Variants in UBTD1 observed in about 807,000 individuals in gnomAD.
UBTD1 encodes the protein ubiquitin domain-containing protein 1.
A neutral mutation model predicts 21.7 loss-of-function variants in UBTD1; 19 were observed. The observed-to-expected ratio is 0.87, with a 90% CI of 0.61 to 1.28. The LOEUF (loss-of-function observed/expected upper bound fraction) is 1.28. Among genes scored for constraint, UBTD1 ranks in the 50% most tolerant of loss-of-function variants. UBTD1 has a pLI of 0.00. For missense variants in UBTD1, 282 were observed against 315.1 expected, an observed-to-expected ratio of 0.89 and a Z score of 0.80; for synonymous variants, 116 against 135.1, an observed-to-expected ratio of 0.86 and a Z score of 0.98.
At chr10:97,527,093 C>T (rs1209101077) in intron 1 of UBTD1, among the ~76,000 whole-genome samples, 1 of 146,720 alleles carries the variant, frequency 6.8e-6, no homozygotes, top group Non-Finnish European at 1.5e-5. Context: ...ATTGCTTGAA[C>T]CAGGAGGCGG....
At chr10:97,502,786 C>G (rs753520698) in intron 1 of UBTD1, among the ~76,000 whole-genome samples, 41 of 151,366 alleles carry the variant, frequency 2.7e-4, no homozygotes, top group Non-Finnish European at 5.6e-4. Context: ...GGGAGAGGTC[C>G]TCTCGTCTCA....
intron 1 of UBTD1, among the ~76,000 whole-genome samples, chr10:97,519,466 C>G (rs906534766): frequency 2.6e-5 from 4 of 152,118 alleles, no homozygotes; most frequent in Non-Finnish European, 5.9e-5. Flanking sequence ...CCCAAGATGC[C>G]TGTTCTACAC....
At chr10:97,558,383 C>T (rs2040675188) in intron 1 of UBTD1, among the ~76,000 whole-genome samples, 1 of 152,152 alleles carries the variant, frequency 6.6e-6, no homozygotes, top group Non-Finnish European at 1.5e-5. Context: ...GTCACCACAG[C>T]CTGGGCATAC....
chr10:97,515,828 C>T (rs1485775797), intron 1 of UBTD1, among the ~76,000 whole-genome samples: 1 of 152,172 alleles, frequency 6.6e-6, no homozygotes, highest in Non-Finnish European at 1.5e-5. Context: ...CTACTCAGCT[C>T]CAGCCAAGGG....
chr10:97,516,540 C>T (rs1292897147), intron 1 of UBTD1, among the ~76,000 whole-genome samples: 1 of 152,178 alleles, frequency 6.6e-6, no homozygotes, highest in African/African-American at 2.4e-5. Context: ...CTTTGGGAGG[C>T]TGAGGCGGGT....
intron 1 of UBTD1, among the ~76,000 whole-genome samples, chr10:97,559,759 C>A (rs886685665): frequency 6.6e-6 from 1 of 152,126 alleles, no homozygotes; most frequent in Admixed American, 6.5e-5. Flanking sequence ...TGCATTTTTA[C>A]TTTAATGTCC....
intron 1 of UBTD1, among the ~76,000 whole-genome samples, chr10:97,523,085 G>A (rs1344359195): frequency 6.6e-6 from 1 of 152,124 alleles, no homozygotes; most frequent in Non-Finnish European, 1.5e-5. Context: ...TCTTCGGGCT[G>A]TGCACCCATA....
At chr10:97,505,248 C>A (rs966384121) in intron 1 of UBTD1, among the ~76,000 whole-genome samples, 4 of 152,138 alleles carry the variant, frequency 2.6e-5, no homozygotes, top group Admixed American at 6.5e-5. Context: ...TCTTACCCAG[C>A]CATTAGAAAG....
rs189497847 is a variant in UBTD1, at chr10:97,523,090, C to T, written c.70+23817C>T. On this transcript the variant is annotated intron_variant, in intron 1 of 2. Coordinates refer to ENST00000370664, the MANE Select transcript of UBTD1 (RefSeq NM_024954.5). The stretch of plus-strand genomic sequence containing the variant: ...AATGCCTTCCTCTTCGGGCTGTGCA[C>T]CCATATCACTTCAGAGCCACTCCTG... Among the ~76,000 whole-genome samples, 4 of 152,292 alleles carry T rather than the reference C, an allele frequency of 2.6e-5. No homozygotes were observed. In the East Asian group the frequency reaches 5.8e-4, roughly 22 times the overall value.
In UBTD1 at chr10:97,509,211, G is replaced by A. The variant is rs542219123; in HGVS notation, c.70+9938G>A. On this transcript the variant is annotated intron_variant, in intron 1 of 2. Coordinates refer to ENST00000370664, the MANE Select transcript of UBTD1 (RefSeq NM_024954.5). Reference sequence around the variant, plus strand: ...AGGACTCATTTTTCCCGTTTTATAGGTGAGGACACTGAGACTTGGTGAGGA... The same window carrying A: ...AGGACTCATTTTTCCCGTTTTATAGATGAGGACACTGAGACTTGGTGAGGA... 8.7e-4 allele frequency among the ~76,000 whole-genome samples: 132 copies of A among 152,304 alleles called. 2 individuals are homozygous for A. In the South Asian group the frequency reaches 0.015, roughly 17 times the overall value.
intron 1 of UBTD1, among the ~76,000 whole-genome samples, chr10:97,513,557 G>C (rs1167044191): frequency 6.6e-6 from 1 of 152,094 alleles, no homozygotes; most frequent in Non-Finnish European, 1.5e-5. Context: ...TTGAGGAAGT[G>C]GTACAGGTTG....
At chr10:97,502,931 T>G (rs1002116308) in intron 1 of UBTD1, among the ~76,000 whole-genome samples, 1 of 149,280 alleles carries the variant, frequency 6.7e-6, no homozygotes, top group East Asian at 2.0e-4. Flanking sequence ...TTTTTTTTTT[T>G]TGAGAGAGAG....
chr10:97,536,864 T>C (rs1178726975), intron 1 of UBTD1, among the ~76,000 whole-genome samples: 1 of 152,052 alleles, frequency 6.6e-6, no homozygotes, highest in Non-Finnish European at 1.5e-5. Flanking sequence ...AGTCATTCGG[T>C]CATACATTCA....
chr10:97,568,025 T>G lies in UBTD1; in HGVS notation c.182T>G (p.Phe61Cys). The G allele has an allele frequency of 6.2e-7, 1 of 1,614,048 alleles. No homozygotes were observed. The highest frequency in any genetic ancestry group is 8.5e-7 in the Non-Finnish European group (1 of 1,180,028). The change falls in exon 2 of 3, where the codon TTC becomes TGC. Residue 61 changes from phenylalanine to cysteine, a missense_variant. Coordinates refer to ENST00000370664, the MANE Select transcript of UBTD1 (RefSeq NM_024954.5). ...GAGTTCTGGGACACAGCGCCTGCCT[T>G]CGAGGGCCGCAAGGAGATCTGGGAT... ...RDEFWDTAPA[F>C]EGRKEIWDAL...
At chr10:97,507,745 A>G (rs1462152709) in intron 1 of UBTD1, among the ~76,000 whole-genome samples, 2 of 144,836 alleles carry the variant, frequency 1.4e-5, no homozygotes, top group East Asian at 2.1e-4. Context: ...CACTGCACTC[A>G]AGCCTAACGA....
chr10:97,502,884 T>C (rs2040382687), intron 1 of UBTD1, among the ~76,000 whole-genome samples: 2 of 112,984 alleles, frequency 1.8e-5, no homozygotes, highest in African/African-American at 6.9e-5. Context: ...TGTATATATA[T>C]ACGTATATAT....
chr10:97,552,878 T>C (rs565216200), intron 1 of UBTD1, among the ~76,000 whole-genome samples: 40 of 152,346 alleles, frequency 2.6e-4, no homozygotes, highest in South Asian at 1.4e-3. Flanking sequence ...CTCCTGGCCA[T>C]GTGCATTAGG....
At chr10:97,509,099 C>T (rs2040410939) in intron 1 of UBTD1, among the ~76,000 whole-genome samples, 1 of 152,214 alleles carries the variant, frequency 6.6e-6, no homozygotes, top group Non-Finnish European at 1.5e-5. Flanking sequence ...TCTCTTTCTT[C>T]TCTCAGCATT....
intron 1 of UBTD1, among the ~76,000 whole-genome samples, chr10:97,522,682 C>A (rs1445687465): frequency 6.6e-6 from 1 of 152,224 alleles, no homozygotes; most frequent in Non-Finnish European, 1.5e-5. Context: ...TCTGAGAGCC[C>A]TCTCTAAACA....
Sources: gnomAD v4.1 joint callset for allele counts (sites outside exome capture counted in the v4.1 genomes callset) on GRCh38, gnomAD v4.1.1 for gene constraint, MANE v1.5 for transcripts, NCBI Gene and HGNC (gene_info 2026-07-23, HGNC 2026-07-21) for gene names.